VWC2: variants seen among roughly 807,000 people sequenced by gnomAD.
VWC2 encodes von Willebrand factor C domain containing 2.
VWC2 carries 14 observed loss-of-function variants against 29.8 expected under a neutral mutation model. That is an observed-to-expected ratio of 0.47 (90% CI 0.31 to 0.74). VWC2 has a LOEUF of 0.74. VWC2 is among the 30% of genes least tolerant of loss of function. VWC2 has a pLI of 0.05. For synonymous variants in VWC2, 213 were observed against 199.0 expected (o/e 1.07, Z -0.59); for missense variants, 457 against 459.8 (o/e 0.99, Z 0.05).
intron 2 of VWC2, among the ~76,000 whole-genome samples, chr7:49,784,276 C>A (rs1788246471): frequency 6.6e-6 from 1 of 152,192 alleles, no homozygotes; most frequent in Non-Finnish European, 1.5e-5. Context: ...TTATTTACTC[C>A]CTCCCCATCC....
intron 2 of VWC2, among the ~76,000 whole-genome samples, chr7:49,779,231 T>C (rs772444391): frequency 3.9e-5 from 6 of 152,200 alleles, no homozygotes; most frequent in Non-Finnish European, 8.8e-5. Context: ...TGGGCATGTT[T>C]TGTTGCTGCT....
chr7:49,826,702 A>G (rs922068656), intron 3 of VWC2, among the ~76,000 whole-genome samples: 12 of 152,232 alleles, frequency 7.9e-5, no homozygotes, highest in Non-Finnish European at 1.3e-4. Context: ...GTTGTATACT[A>G]CAAATCTGGT....
chr7:49,909,506 G>A (rs1176993369), intron 3 of VWC2, among the ~76,000 whole-genome samples: 2 of 152,176 alleles, frequency 1.3e-5, no homozygotes, highest in African/African-American at 2.4e-5. Context: ...GTGTGGTGGA[G>A]TGCAGAGAGG....
At chr7:49,850,312 A>G (rs1790125550) in intron 3 of VWC2, 1 of 152,292 alleles carries the variant, frequency 6.6e-6, no homozygotes, top group South Asian at 2.1e-4. Context: ...TTTAAGTCAC[A>G]TTGTTTAACA....
intron 3 of VWC2, among the ~76,000 whole-genome samples, chr7:49,888,040 T>C (rs1791973142): frequency 6.6e-6 from 1 of 152,256 alleles, no homozygotes; most frequent in African/African-American, 2.4e-5. Context: ...GGCAGGCTCA[T>C]ACTGGCTTTG....
chr7:49,830,089 C>CAA (rs1789491121), intron 3 of VWC2, among the ~76,000 whole-genome samples: 1 of 152,158 alleles, frequency 6.6e-6, no homozygotes, highest in African/African-American at 2.4e-5. Context: ...AAAGAAAAGT[C>CAA]AACATAACTG....
chr7:49,863,759 C>A (rs962920599), intron 3 of VWC2, among the ~76,000 whole-genome samples: 2 of 152,100 alleles, frequency 1.3e-5, no homozygotes, highest in African/African-American at 4.8e-5. Context: ...TTTGTTTATC[C>A]TGTGCTAATC....
At chr7:49,809,511 T>C (rs535804514) in intron 3 of VWC2, among the ~76,000 whole-genome samples, 1 of 152,136 alleles carries the variant, frequency 6.6e-6, no homozygotes, top group Admixed American at 6.5e-5. Context: ...CTTCCCTGTT[T>C]AGTTTCTGCA....
At chr7:49,849,036 T>A (rs2128715824) in intron 3 of VWC2, among the ~76,000 whole-genome samples, 1 of 152,360 alleles carries the variant, frequency 6.6e-6, no homozygotes, top group East Asian at 1.9e-4. Context: ...CTTTAGGTCC[T>A]GCTTGCTTCA....
rs1441057765 is a variant in VWC2, at chr7:49,877,499, T to A, written c.827-34535T>A. ...AAAAAAAAATATATATATATATATA[T>A]ATATATATATATATATATAGTTATT... is the stretch of plus-strand genomic sequence containing the variant. On this transcript the variant is annotated intron_variant, in intron 3 of 3. Coordinates refer to ENST00000340652, the MANE Select transcript of VWC2 (RefSeq NM_198570.5). Among the ~76,000 whole-genome samples the A allele has an allele frequency of 1.0e-3, 89 of 87,888 alleles. 13 individuals are homozygous for A. Among genetic ancestry groups the A allele is most frequent in the Middle Eastern group, 5.6e-3 (1 of 180 alleles). 57.7% of individuals were successfully genotyped at this position (87,888 alleles called of 152,430 possible). A position where few individuals can be genotyped will look rare whatever the true frequency, so the allele number is the denominator to read the frequency against.
intron 3 of VWC2, among the ~76,000 whole-genome samples, chr7:49,822,607 T>G (rs1170871409): frequency 1.3e-5 from 2 of 152,124 alleles, no homozygotes; most frequent in East Asian, 3.9e-4. Flanking sequence ...CCCAGCTAGT[T>G]TTTGTATTTT....
intron 3 of VWC2, among the ~76,000 whole-genome samples, chr7:49,909,476 G>A (rs1793287397): frequency 6.6e-6 from 1 of 152,186 alleles, no homozygotes; most frequent in Admixed American, 6.5e-5. Flanking sequence ...GCAGCAAACT[G>A]TGGAGGCCAG....
chr7:49,873,218 A>G (rs929782609), intron 3 of VWC2, among the ~76,000 whole-genome samples: 23 of 152,218 alleles, frequency 1.5e-4, no homozygotes, highest in African/African-American at 5.5e-4. Flanking sequence ...GATGAAATGT[A>G]GACAACAGAC....
intron 3 of VWC2, among the ~76,000 whole-genome samples, chr7:49,816,458 A>G (rs75220298): frequency 0.024 from 3,705 of 152,276 alleles, 68 homozygotes; most frequent in Non-Finnish European, 0.043. Context: ...CATACAAGGT[A>G]GGGGGAGATC....
intron 3 of VWC2, among the ~76,000 whole-genome samples, chr7:49,902,889 G>A (rs1236985531): frequency 3.9e-5 from 6 of 152,016 alleles, no homozygotes; most frequent in Admixed American, 1.3e-4. Flanking sequence ...GGAACAGTAC[G>A]TGGAACATAT....
chr7:49,905,227 T>C (rs2128738845), intron 3 of VWC2, among the ~76,000 whole-genome samples: 1 of 152,298 alleles, frequency 6.6e-6, no homozygotes, highest in Admixed American at 6.5e-5. Flanking sequence ...TGGGCAGTTC[T>C]ATGATGTATT....
intron 3 of VWC2, among the ~76,000 whole-genome samples, chr7:49,905,694 A>G (rs750954493): frequency 5.9e-5 from 9 of 152,220 alleles, no homozygotes; most frequent in Non-Finnish European, 1.3e-4. Flanking sequence ...GGGCTGGGTA[A>G]AATGAGGCTG....
At chr7:49,790,740 G>A (rs769607) in intron 2 of VWC2, among the ~76,000 whole-genome samples, 24,438 of 151,430 alleles carry the variant, frequency 0.16, 2,043 homozygotes, top group African/African-American at 0.21. Flanking sequence ...GAGTCCCCAG[G>A]TGGCAAGGGC....
At chr7:49,886,064 G>A (rs1264663724) in intron 3 of VWC2, among the ~76,000 whole-genome samples, 2 of 152,246 alleles carry the variant, frequency 1.3e-5, no homozygotes, top group Non-Finnish European at 2.9e-5. Flanking sequence ...CAAGAGCCTG[G>A]AGATAGGGGA....
Sources: gnomAD v4.1 joint callset for allele counts (sites outside exome capture counted in the v4.1 genomes callset) on GRCh38, gnomAD v4.1.1 for gene constraint, MANE v1.5 for transcripts, NCBI Gene and HGNC (gene_info 2026-07-23, HGNC 2026-07-21) for gene names.